The following NVL variants were observed in gnomAD, a reference collection of about 807,000 sequenced individuals.
The protein encoded by NVL is nuclear valosin-containing protein-like.
Under a neutral mutation model 110.2 loss-of-function variants are expected in NVL, and 84 were observed. The ratio of observed to expected loss-of-function variants is 0.76; its 90% confidence interval spans 0.64 to 0.91. NVL has a LOEUF of 0.91. NVL is among the 40% of genes least tolerant of loss of function. NVL has a pLI of 0.00. For missense variants in NVL, 882 were observed against 1,035.9 expected (o/e 0.85, Z 2.04); for synonymous variants, 354 against 361.1 (o/e 0.98, Z 0.22).
At chr1:224,296,805 T>C (rs949789776) in intron 10 of NVL, among the ~76,000 whole-genome samples, 187 bp from the exon 11 acceptor site, 8 of 152,184 alleles carry the variant, frequency 5.3e-5, no homozygotes, top group Non-Finnish European at 1.2e-4. Flanking sequence ...CCAAGATGAT[T>C]AGAAGTACAC....
chr1:224,268,232 A>G, intron 17 of NVL, 99 bp from the exon 18 acceptor site: 1 of 832,774 alleles, frequency 1.2e-6, no homozygotes. Context: ...TGCAAAGGAG[A>G]TAACAATGAT....
At position 224,231,259 on chromosome 1, in the gene NVL, A is replaced by G. The variant is rs1457505742; in HGVS notation, c.2493T>C (p.Ala831=). The change falls in exon 22 of 23, where the codon GCT becomes GCC. Residue 831 remains alanine (A), a synonymous_variant. Coordinates refer to ENST00000281701, the MANE Select transcript of NVL (RefSeq NM_002533.4). ...ATATAGATGATCTTACTTTCTTGAAAGCTTCTTCAAAATGCTTATGACTAA... is the reference window on the plus strand; with the variant it reads ...ATATAGATGATCTTACTTTCTTGAAGGCTTCTTCAAAATGCTTATGACTAA... ...LKVSHKHFEE[A]FKKVRSSISK... 1 of 1,612,886 alleles carries G rather than the reference A, an allele frequency of 6.2e-7. No homozygotes were observed.
At chr1:224,323,904 A>G (rs1572077898) in intron 2 of NVL, among the ~76,000 whole-genome samples, 2 of 152,254 alleles carry the variant, frequency 1.3e-5, no homozygotes, top group East Asian at 3.9e-4. Flanking sequence ...CTTTTTTCCA[A>G]TTGCTCTCTT....
At chr1:224,302,702 T>C (rs1375445266) in intron 9 of NVL, among the ~76,000 whole-genome samples, 1 of 152,206 alleles carries the variant, frequency 6.6e-6, no homozygotes, top group Non-Finnish European at 1.5e-5. Context: ...TTTGAATAAA[T>C]TTAGCTATAT....
chr1:224,255,095 C>A (rs1334173882), intron 18 of NVL, among the ~76,000 whole-genome samples: 2 of 150,932 alleles, frequency 1.3e-5, no homozygotes, highest in African/African-American at 2.4e-5. Context: ...TGGTCTCGAT[C>A]TCCTGACCTC....
chr1:224,241,570 T>A (rs545734268), intron 19 of NVL, among the ~76,000 whole-genome samples: 2 of 151,880 alleles, frequency 1.3e-5, no homozygotes, highest in Non-Finnish European at 2.9e-5. Context: ...TTAAGGAAAT[T>A]ATAGGCCAGG....
At chr1:224,247,068 A>AC (rs1346786423) in intron 19 of NVL, among the ~76,000 whole-genome samples, 1 of 148,720 alleles carries the variant, frequency 6.7e-6, no homozygotes, top group African/African-American at 2.5e-5. Flanking sequence ...AAAAAAAAAA[A>AC]AAAAAACAGA....
chr1:224,307,698 CAAAAAAAA>C (rs11366790), intron 6 of NVL, among the ~76,000 whole-genome samples: 1 of 67,472 alleles, frequency 1.5e-5, no homozygotes, highest in South Asian at 9.0e-4. Flanking sequence ...GACCCAGTCT[CAAAAAAAA>C]AAAAAAAAAA....
intron 13 of NVL, 115 bp downstream of exon 13, chr1:224,289,369 T>C (rs952431091): frequency 6.6e-6 from 7 of 1,055,766 alleles, no homozygotes; most frequent in Non-Finnish European, 8.1e-6. Flanking sequence ...ATTCTATAGA[T>C]TAAATGCCAA....
intron 6 of NVL, 67 bp from the exon 7 acceptor site, chr1:224,305,233 A>T: frequency 6.7e-7 from 1 of 1,486,530 alleles, no homozygotes; most frequent in Non-Finnish European, 9.0e-7. Context: ...TTTACTTTTT[A>T]AAGAGGGGCA....
intron 18 of NVL, among the ~76,000 whole-genome samples, chr1:224,252,079 C>T (rs186768338): frequency 1.5e-3 from 232 of 152,284 alleles, no homozygotes; most frequent in Admixed American, 5.3e-3. Flanking sequence ...ATTCTTCCAA[C>T]TCCCACGCCC....
chr1:224,316,625 C>T (rs951591146), intron 4 of NVL, among the ~76,000 whole-genome samples: 4 of 143,248 alleles, frequency 2.8e-5, no homozygotes, highest in African/African-American at 5.2e-5. Context: ...GAGCTGTGAT[C>T]GCACTCCAGC....
In NVL at chr1:224,292,991, G is replaced by A. The variant is rs568311777; in HGVS notation, c.1325+1276C>T. Among the ~76,000 whole-genome samples, 25 of 152,040 alleles carry A rather than the reference G, an allele frequency of 1.6e-4. No individual in the cohort carries two copies. In the East Asian group the frequency reaches 3.7e-3, roughly 22 times the overall value. ...GCTGGTCTTGAACTCCTAACCTCAA[G>A]TGATGCACCCGCCTCGGCCTCCCAA... On this transcript the variant is annotated intron_variant, in intron 12 of 22. Transcript: ENST00000281701.
At chr1:224,260,234 C>A (rs959893583) in intron 18 of NVL, among the ~76,000 whole-genome samples, 2 of 152,122 alleles carry the variant, frequency 1.3e-5, no homozygotes, top group African/African-American at 4.8e-5. Flanking sequence ...GAAATAAATA[C>A]CTTCTCTGTG....
chr1:224,268,277 G>A, intron 17 of NVL, 144 bp from the exon 18 acceptor site: 1 of 610,044 alleles, frequency 1.6e-6, no homozygotes, highest in South Asian at 2.1e-5. Context: ...CAGACACTGT[G>A]CAAAATGTGT....
intron 1 of NVL, 90 bp from the exon 2 acceptor site, chr1:224,326,554 A>C (rs1671163114): frequency 2.6e-6 from 2 of 763,792 alleles, no homozygotes; most frequent in African/African-American, 1.7e-5. Flanking sequence ...AACACATTAT[A>C]CTTTAAGATA....
chr1:224,269,955 A>T (rs1664907982), intron 17 of NVL: 1 of 120,892 alleles, frequency 8.3e-6, no homozygotes, highest in Admixed American at 8.8e-5. Context: ...TTTTTTGTAG[A>T]GCCGGGATTT....
intron 19 of NVL, among the ~76,000 whole-genome samples, chr1:224,236,818 C>T (rs1057268247): frequency 1.3e-5 from 2 of 152,082 alleles, no homozygotes; most frequent in African/African-American, 2.4e-5. Flanking sequence ...GGCTGAGGCA[C>T]GAGAATTGCT....
At chr1:224,267,730 C>A (rs1664637436) in intron 18 of NVL, among the ~76,000 whole-genome samples, 1 of 151,206 alleles carries the variant, frequency 6.6e-6, no homozygotes, top group Non-Finnish European at 1.5e-5. Flanking sequence ...CTGTTCTCAG[C>A]CAAAAAGAGC....
Sources: gnomAD v4.1 joint callset for allele counts (sites outside exome capture counted in the v4.1 genomes callset) on GRCh38, gnomAD v4.1.1 for gene constraint, MANE v1.5 for transcripts, NCBI Gene and HGNC (gene_info 2026-07-23, HGNC 2026-07-21) for gene names.